Variants in MAP3K7 observed in about 807,000 individuals in gnomAD.
MAP3K7 encodes TGF-beta activated kinase 1.
MAP3K7 carries 21 observed loss-of-function variants against 84.8 expected under a neutral mutation model. That is an observed-to-expected ratio of 0.25 (90% CI 0.18 to 0.36). The LOEUF is 0.36. MAP3K7 is among the 10% of genes least tolerant of loss of function. MAP3K7 has a pLI of 1.00. For synonymous variants in MAP3K7, 241 were observed against 247.7 expected (o/e 0.97, Z 0.25); for missense variants, 503 against 747.7 (o/e 0.67, Z 3.82).
At chr6:90,574,618 G>C (rs1167831105) in intron 1 of MAP3K7, among the ~76,000 whole-genome samples, 1 of 152,098 alleles carries the variant, frequency 6.6e-6, no homozygotes, top group African/African-American at 2.4e-5. Context: ...GTACTTACTA[G>C]GAATCCCCTT....
Position 90,556,271 on chromosome 6 carries a change from T to C in MAP3K7, c.607+229A>G, listed in dbSNP as rs530334129. ...AATAGGCAATTTTGCAATTAAGAAA[T>C]TGGTGAACAATGAGGATCAACTGTA... is the stretch of plus-strand genomic sequence containing the variant. On this transcript the variant is annotated intron_variant, in intron 6 of 16. Coordinates refer to ENST00000369329, the MANE Select transcript of MAP3K7 (RefSeq NM_145331.3). Among the ~76,000 whole-genome samples, 4 of 152,322 alleles carry C rather than the reference T, an allele frequency of 2.6e-5. No individual in the cohort carries two copies. The South Asian group carries it at 6.2e-4, about 24-fold the overall frequency.
At chr6:90,570,019 A>G (rs1352124473) in intron 2 of MAP3K7, among the ~76,000 whole-genome samples, 2 of 152,096 alleles carry the variant, frequency 1.3e-5, no homozygotes. Flanking sequence ...AATTAGTATC[A>G]CTATTTATTA....
intron 1 of MAP3K7, 128 bp downstream of exon 1, chr6:90,586,636 C>T (rs974169083): frequency 1.9e-4 from 245 of 1,294,252 alleles, no homozygotes; most frequent in Non-Finnish European, 1.4e-4. Context: ...GCTGTGGGGT[C>T]TCCCGGGTGG....
In MAP3K7 at chr6:90,560,034, A is replaced by G. The variant is rs373782904; in HGVS notation, c.482+42T>C. 1.1e-4 allele frequency: 173 copies of G among 1,612,496 alleles called. 2 individuals are homozygous for G. The South Asian group carries it at 1.6e-3, about 15-fold the overall frequency. ...GTTCGGGGTGGTGAGAGTGAGAGAG[A>G]AGGAGGAAGAGGCTGAGGGGTGTCA... On this transcript the variant is annotated intron_variant, in intron 5 of 16. Transcript: ENST00000369329.
intron 3 of MAP3K7, among the ~76,000 whole-genome samples, chr6:90,567,099 C>T (rs1254292486): frequency 6.6e-6 from 1 of 152,142 alleles, no homozygotes; most frequent in Non-Finnish European, 1.5e-5. Flanking sequence ...AGACCTAAAA[C>T]CATAAAAACC....
chr6:90,582,731 C>T (rs1777315474), intron 1 of MAP3K7, among the ~76,000 whole-genome samples: 1 of 152,116 alleles, frequency 6.6e-6, no homozygotes. Flanking sequence ...GTGATTAACT[C>T]TATTTTCAAA....
chr6:90,547,159 A>T (rs940240983), intron 11 of MAP3K7, 99 bp downstream of exon 11: 47 of 1,354,948 alleles, frequency 3.5e-5, no homozygotes, highest in Non-Finnish European at 4.5e-5. Context: ...TTTAAAAAAA[A>T]ATATAAGACA....
At chr6:90,527,454 C>T (rs370356122) in intron 13 of MAP3K7, among the ~76,000 whole-genome samples, 1 of 134,348 alleles carries the variant, frequency 7.4e-6, no homozygotes, top group Non-Finnish European at 1.7e-5. Context: ...TGTGTAGAGA[C>T]GGGGTCTCGC....
chr6:90,571,167 G>C (rs998121378), intron 2 of MAP3K7, among the ~76,000 whole-genome samples: 11 of 151,962 alleles, frequency 7.2e-5, no homozygotes, highest in Admixed American at 5.9e-4. Context: ...AAATAACAAA[G>C]TTAGTAAAGG....
intron 1 of MAP3K7, among the ~76,000 whole-genome samples, chr6:90,586,434 C>A (rs918164262): frequency 6.6e-6 from 1 of 150,590 alleles, no homozygotes; most frequent in East Asian, 2.0e-4. Flanking sequence ...AACTCCAGAA[C>A]GGCTACGATC....
chr6:90,548,015 T>A, intron 10 of MAP3K7, 32 bp downstream of exon 10: 1 of 1,585,426 alleles, frequency 6.3e-7, no homozygotes, highest in Non-Finnish European at 8.6e-7. Context: ...ACTGGTAAGG[T>A]TACCAGTTTT....
chr6:90,531,024 G>C (rs1775490183), intron 13 of MAP3K7, among the ~76,000 whole-genome samples: 1 of 152,112 alleles, frequency 6.6e-6, no homozygotes, highest in Non-Finnish European at 1.5e-5. Context: ...AGGCAAACTT[G>C]ACTTACCAAA....
intron 13 of MAP3K7, among the ~76,000 whole-genome samples, chr6:90,525,514 C>T (rs1033758806): frequency 1.3e-5 from 2 of 151,576 alleles, no homozygotes; most frequent in South Asian, 2.1e-4. Context: ...ATATGCTGTA[C>T]ATACAAATAG....
chr6:90,567,568 G>T (rs1418906927), intron 3 of MAP3K7, among the ~76,000 whole-genome samples: 1 of 152,146 alleles, frequency 6.6e-6, no homozygotes, highest in Non-Finnish European at 1.5e-5. Flanking sequence ...GAAACAACAG[G>T]TGCTGGAGAG....
chr6:90,556,640 C>CA lies in MAP3K7; in HGVS notation c.483-17dup, dbSNP rs869236662. 11 of 1,456,810 alleles carry CA rather than the reference C, an allele frequency of 7.6e-6. No homozygotes were observed. Among genetic ancestry groups the CA allele is most frequent in the South Asian group, 2.6e-5 (2 of 77,946 alleles). 90.2% of individuals were successfully genotyped at this position (1,456,810 alleles called of 1,614,324 possible). The stretch of plus-strand genomic sequence containing the variant: ...CAGCAGTAAGCTGTTTAAAAAAAAA[C>CA]AAAAAACATCAAAAGTTACAAGGCC... On this transcript the variant is annotated splice_polypyrimidine_tract_variant and intron_variant, in intron 5 of 16. Coordinates refer to ENST00000369329, the MANE Select transcript of MAP3K7 (RefSeq NM_145331.3).
intron 1 of MAP3K7, among the ~76,000 whole-genome samples, chr6:90,585,854 G>C (rs1038619675): frequency 1.3e-5 from 2 of 152,164 alleles, no homozygotes; most frequent in African/African-American, 4.8e-5. Context: ...ACCAGTCTAT[G>C]TTACTTATGG....
chr6:90,580,888 TAA>T (rs1425315398), intron 1 of MAP3K7, among the ~76,000 whole-genome samples: 2 of 152,266 alleles, frequency 1.3e-5, no homozygotes, highest in Non-Finnish European at 2.9e-5. Flanking sequence ...TGTTTTTGAT[TAA>T]TTACTTTATG....
chr6:90,541,104 G>A (rs1201211233), intron 12 of MAP3K7, among the ~76,000 whole-genome samples: 2 of 151,616 alleles, frequency 1.3e-5, no homozygotes, highest in African/African-American at 4.8e-5. Flanking sequence ...TAAAGTCCTA[G>A]AACAAAAAAA....
At chr6:90,556,452 C>T in intron 6 of MAP3K7, 48 bp downstream of exon 6, 2 of 1,573,126 alleles carry the variant, frequency 1.3e-6, no homozygotes, top group Middle Eastern at 1.7e-4. Context: ...TATGAATTCA[C>T]AAGGAGTGAG....
Sources: gnomAD v4.1 joint callset for allele counts (sites outside exome capture counted in the v4.1 genomes callset) on GRCh38, gnomAD v4.1.1 for gene constraint, MANE v1.5 for transcripts, NCBI Gene and HGNC (gene_info 2026-07-23, HGNC 2026-07-21) for gene names.